The following ITPR2 variants were observed in gnomAD, a reference collection of about 807,000 sequenced individuals.
The protein encoded by ITPR2 is inositol 1,4,5-trisphosphate receptor type 2, also known as inositol 1,4,5-trisphosphate-gated calcium channel ITPR2.
ITPR2 carries 207 observed loss-of-function variants against 317.1 expected under a neutral mutation model. The ratio of observed to expected loss-of-function variants is 0.65; its 90% CI spans 0.58 to 0.73. The LOEUF (loss-of-function observed/expected upper bound fraction) is 0.73, where lower values mean the gene tolerates loss of function less well. Ranked by LOEUF, ITPR2 falls within the 30% of genes least tolerant of loss-of-function variation. The pLI, the probability that ITPR2 is intolerant of heterozygous loss-of-function variation, is 0.00. For synonymous variants in ITPR2, 1,156 were observed against 1,149.1 expected (o/e 1.01, Z -0.12); for missense variants, 2,613 against 3,284.0 (o/e 0.80, Z 4.99).
At chr12:26,702,117 C>T (rs1948454547) in intron 9 of ITPR2, among the ~76,000 whole-genome samples, 2 of 152,034 alleles carry the variant, frequency 1.3e-5, no homozygotes, top group Non-Finnish European at 2.9e-5. Flanking sequence ...GTGAACTTAC[C>T]TGAACCACTA....
chr12:26,810,786 A>G (rs1950722922), intron 1 of ITPR2, among the ~76,000 whole-genome samples: 1 of 152,152 alleles, frequency 6.6e-6, no homozygotes, highest in South Asian at 2.1e-4. Context: ...ATGCTGCTGG[A>G]GTTTGAAGAA....
At chr12:26,526,478 G>T (rs1252749658) in intron 37 of ITPR2, among the ~76,000 whole-genome samples, 1 of 152,154 alleles carries the variant, frequency 6.6e-6, no homozygotes, top group Non-Finnish European at 1.5e-5. Context: ...AGGGAAAGAG[G>T]TTGAAAAGAT....
In ITPR2 at chr12:26,715,347, G is replaced by A; in HGVS notation, c.807C>T (p.Arg269=). The A allele has an allele frequency of 1.2e-6, 2 of 1,613,646 alleles. No individual in the cohort carries two copies. The highest frequency in any genetic ancestry group is 1.3e-5 in the African/African-American group (1 of 74,992). ...AACTAGTAGCAGAAGTAGCTGATTG[G>A]CGCAAGGTCGTACGAAGGAAAATGT... The part of the protein sequence containing the change: ...KQHIFLRTTL[R]QSATSATSSK... The change falls in exon 8 of 57, where the codon CGC becomes CGT. Residue 269 remains arginine (R), a synonymous_variant. Coordinates refer to ENST00000381340, the MANE Select transcript of ITPR2 (RefSeq NM_002223.4).
intron 2 of ITPR2, among the ~76,000 whole-genome samples, chr12:26,728,652 T>G (rs1413301844): frequency 6.6e-6 from 1 of 152,188 alleles, no homozygotes; most frequent in African/African-American, 2.4e-5. Flanking sequence ...AAAAATCTAC[T>G]GTTCTTGGGC....
chr12:26,501,579 T>C (rs1943073973), intron 37 of ITPR2, among the ~76,000 whole-genome samples: 1 of 152,216 alleles, frequency 6.6e-6, no homozygotes. Flanking sequence ...CAGAAGATGC[T>C]CTTCTCATCA....
chr12:26,398,444 G>A (rs1332985534), intron 54 of ITPR2, among the ~76,000 whole-genome samples: 1 of 152,142 alleles, frequency 6.6e-6, no homozygotes, highest in Non-Finnish European at 1.5e-5. Context: ...CAAACAAACA[G>A]AGAGAAGGCT....
chr12:26,697,634 C>T (rs1004522174), intron 9 of ITPR2, among the ~76,000 whole-genome samples: 1 of 152,034 alleles, frequency 6.6e-6, no homozygotes. Flanking sequence ...CATGGTAAGA[C>T]CCCGTCTCTA....
intron 39 of ITPR2, among the ~76,000 whole-genome samples, chr12:26,491,482 C>CAAAAAAAAAAAAAAAA (rs57612774): frequency 1.7e-5 from 1 of 57,830 alleles, no homozygotes; most frequent in African/African-American, 7.3e-5. Context: ...GACTCCATCT[C>CAAAAAAAAAAAAAAAA]AAAAAAAAAA....
At chr12:26,458,893 A>G (rs942654706) in intron 45 of ITPR2, among the ~76,000 whole-genome samples, 2 of 152,166 alleles carry the variant, frequency 1.3e-5, no homozygotes, top group African/African-American at 4.8e-5. Context: ...AGGCCTCGCC[A>G]CAGCTCCCGA....
At chr12:26,832,307 T>C (rs1951125243) in intron 1 of ITPR2, among the ~76,000 whole-genome samples, 1 of 152,232 alleles carries the variant, frequency 6.6e-6, no homozygotes. Flanking sequence ...CTGAGGACGG[T>C]AGCGAGAAAC....
rs2136739420 is a variant in ITPR2, at chr12:26,443,438, C to T, written c.6450+105G>A. 1.0e-5 allele frequency: 8 copies of T among 787,006 alleles called. No individual in the cohort carries two copies. The South Asian group carries it at 1.6e-4, about 16-fold the overall frequency. The allele number at this position is 787,006 out of a possible 1,614,324, so 48.8% of individuals were successfully genotyped here. A position where few individuals can be genotyped will look rare whatever the true frequency, so the allele number is the denominator to read the frequency against. On this transcript the variant is annotated intron_variant, in intron 46 of 56. Transcript: ENST00000381340. Reference sequence around the variant, plus strand: ...TATACATTTTTCAGTTTAAACCACTCACTTCTGCATCATTGCTCTAGAAAA... The same window carrying T: ...TATACATTTTTCAGTTTAAACCACTTACTTCTGCATCATTGCTCTAGAAAA...
chr12:26,631,478 GTTCAA>G (rs1946750471), intron 22 of ITPR2, among the ~76,000 whole-genome samples: 1 of 152,160 alleles, frequency 6.6e-6, no homozygotes, highest in South Asian at 2.1e-4. Flanking sequence ...GGAATCACAT[GTTCAA>G]TTCAATTAAA....
At chr12:26,361,385 C>T (rs1938826960) in intron 55 of ITPR2, among the ~76,000 whole-genome samples, 2 of 152,114 alleles carry the variant, frequency 1.3e-5, no homozygotes, top group Non-Finnish European at 2.9e-5. Flanking sequence ...ATCACAATAT[C>T]CTCTCATTCC....
intron 37 of ITPR2, among the ~76,000 whole-genome samples, chr12:26,538,995 C>T (rs561411190): frequency 2.0e-5 from 3 of 152,266 alleles, no homozygotes; most frequent in South Asian, 4.1e-4. Flanking sequence ...GACACAGACA[C>T]ATTGTTACCT....
intron 55 of ITPR2, among the ~76,000 whole-genome samples, chr12:26,382,666 C>T (rs1939543595): frequency 6.6e-6 from 1 of 151,612 alleles, no homozygotes; most frequent in Admixed American, 6.6e-5. Flanking sequence ...ATTTGTCACA[C>T]ACACACACAC....
intron 55 of ITPR2, among the ~76,000 whole-genome samples, chr12:26,361,446 T>G (rs565083050): frequency 6.6e-6 from 1 of 152,274 alleles, no homozygotes; most frequent in East Asian, 1.9e-4. Flanking sequence ...CATTGCATCA[T>G]AATTCTTTTT....
chr12:26,417,130 T>TA (rs900535357), intron 50 of ITPR2, among the ~76,000 whole-genome samples: 4 of 147,438 alleles, frequency 2.7e-5, no homozygotes, highest in African/African-American at 1.0e-4. Flanking sequence ...TTTTCAAATA[T>TA]AAAAAATCTT....
In ITPR2 at chr12:26,580,105, CT is replaced by C; in HGVS notation, c.4430del (p.Lys1477SerfsTer7). On this transcript the variant is annotated frameshift_variant, in exon 33 of 57. Coordinates refer to ENST00000381340, the MANE Select transcript of ITPR2 (RefSeq NM_002223.4). LOFTEE classifies it high-confidence loss of function. ...DRKHADIFLE[K>X]CVTESIMNIV... ...TATTCATTATTGACTCAGTAACACA[CT>C]TTTCCAAAAAGATGTCTGCATGTTT... 1 of 1,612,420 alleles carries C rather than the reference CT, an allele frequency of 6.2e-7. No homozygotes were observed. Among genetic ancestry groups the C allele is most frequent in the Non-Finnish European group, 8.5e-7 (1 of 1,178,682 alleles).
rs566701215 is a variant in ITPR2, at chr12:26,403,819, GC to G, written c.7400-3562del. 2.7e-3 allele frequency among the ~76,000 whole-genome samples: 407 copies of G among 152,284 alleles called. 1 individual carries two copies. Among genetic ancestry groups the G allele is most frequent in the African/African-American group, 9.4e-3 (392 of 41,552 alleles). On this transcript the variant is annotated intron_variant, in intron 52 of 56. Coordinates refer to ENST00000381340, the MANE Select transcript of ITPR2 (RefSeq NM_002223.4). ...GCATCTCAAGTGCCAGGGACAGAAA[GC>G]CCCAGAGGTAGAAAAATGTATGCTT... is the stretch of plus-strand genomic sequence containing the variant.
Sources: allele counts gnomAD v4.1 joint callset (sites outside exome capture counted in the v4.1 genomes callset), GRCh38; gene constraint gnomAD v4.1.1; transcripts MANE v1.5; gene names NCBI Gene and HGNC (gene_info 2026-07-23, HGNC 2026-07-21).